GRIP1: variants seen among roughly 807,000 people sequenced by gnomAD.
GRIP1 encodes glutamate receptor interacting protein 1, also known as glutamate receptor-interacting protein 1.
A neutral mutation model predicts 129.9 loss-of-function variants in GRIP1; 45 were observed. The observed-to-expected ratio is 0.35, with a 90% confidence interval of 0.27 to 0.44. The LOEUF is 0.44. GRIP1 is among the 20% of genes least tolerant of loss of function. The pLI, the probability that GRIP1 is intolerant of heterozygous loss-of-function variation, is 1.00. For synonymous variants in GRIP1, 530 were observed against 520.8 expected, an observed-to-expected ratio of 1.02 and a Z score of -0.24; for missense variants, 1,196 against 1,396.8, an observed-to-expected ratio of 0.86 and a Z score of 2.29.
At chr12:66,404,312 G>A (rs1052307061) in intron 16 of GRIP1, among the ~76,000 whole-genome samples, 3 of 152,020 alleles carry the variant, frequency 2.0e-5, no homozygotes, top group African/African-American at 7.2e-5. Flanking sequence ...TGACATAACC[G>A]TGAACTCTAG....
intron 7 of GRIP1, among the ~76,000 whole-genome samples, chr12:66,484,890 C>T (rs190842110): frequency 1.3e-5 from 2 of 152,264 alleles, no homozygotes; most frequent in Non-Finnish European, 2.9e-5. Flanking sequence ...ATCCCTATTA[C>T]TCTGAGTTGA....
chr12:67,014,981 A>T (rs774399), intron 1 of GRIP1, among the ~76,000 whole-genome samples: 12,659 of 152,232 alleles, frequency 0.083, 1,198 homozygotes, highest in African/African-American at 0.24. Flanking sequence ...GTGTAAAATA[A>T]GTGAAGAAAT....
intron 1 of GRIP1, among the ~76,000 whole-genome samples, chr12:66,642,015 A>T (rs768742903): frequency 2.0e-5 from 3 of 152,190 alleles, no homozygotes; most frequent in Non-Finnish European, 4.4e-5. Flanking sequence ...CTCAGTGCCA[A>T]GTTACAATGT....
intron 1 of GRIP1, among the ~76,000 whole-genome samples, chr12:66,975,763 C>T (rs1278758871): frequency 6.6e-6 from 1 of 152,154 alleles, no homozygotes; most frequent in South Asian, 2.1e-4. Flanking sequence ...AGGTTTGGAC[C>T]AAGGCACTAG....
intron 19 of GRIP1, among the ~76,000 whole-genome samples, chr12:66,391,451 T>G (rs544855049): frequency 6.6e-6 from 1 of 152,348 alleles, no homozygotes; most frequent in African/African-American, 2.4e-5. Context: ...TTATATTCCA[T>G]GAGTGAGGCT....
At chr12:66,772,941 C>G (rs1344942723) in intron 1 of GRIP1, among the ~76,000 whole-genome samples, 3 of 152,104 alleles carry the variant, frequency 2.0e-5, no homozygotes, top group Non-Finnish European at 2.9e-5. Flanking sequence ...AAACCTTCCC[C>G]CAAATGTGGC....
intron 1 of GRIP1, among the ~76,000 whole-genome samples, chr12:67,026,702 A>G (rs1464719706): frequency 2.0e-5 from 3 of 152,192 alleles, no homozygotes; most frequent in Admixed American, 6.6e-5. Flanking sequence ...GCAGAAAAAC[A>G]TATTTCTAAG....
At chr12:66,393,644 C>G (rs748851321) in intron 17 of GRIP1, among the ~76,000 whole-genome samples, 1 of 152,146 alleles carries the variant, frequency 6.6e-6, no homozygotes, top group Non-Finnish European at 1.5e-5. Flanking sequence ...TCCAACAACA[C>G]ATCTCAGAAA....
intron 1 of GRIP1, among the ~76,000 whole-genome samples, chr12:66,645,268 T>G (rs1468485666): frequency 6.6e-6 from 1 of 152,192 alleles, no homozygotes; most frequent in African/African-American, 2.4e-5. Flanking sequence ...CCAGAGAAAG[T>G]AAGCAGCTCT....
intron 23 of GRIP1, among the ~76,000 whole-genome samples, chr12:66,369,251 A>T (rs531679039): frequency 1.3e-5 from 2 of 152,040 alleles, no homozygotes; most frequent in African/African-American, 4.8e-5. Context: ...CAGTTCACAC[A>T]CTGCCACACA....
chr12:66,707,576 GTC>G (rs891512180), intron 1 of GRIP1, among the ~76,000 whole-genome samples: 3 of 150,620 alleles, frequency 2.0e-5, no homozygotes, highest in African/African-American at 7.3e-5. Context: ...AATGTCCTTG[GTC>G]TCTCCTAGCA....
intron 2 of GRIP1, among the ~76,000 whole-genome samples, chr12:66,591,133 T>C (rs2063833989): frequency 6.6e-6 from 1 of 152,116 alleles, no homozygotes; most frequent in South Asian, 2.1e-4. Context: ...AAAAAAATAA[T>C]AAATTTATCA....
intron 1 of GRIP1, among the ~76,000 whole-genome samples, chr12:66,690,731 A>AT (rs2034954623): frequency 2.0e-5 from 3 of 147,820 alleles, no homozygotes; most frequent in African/African-American, 5.0e-5. Flanking sequence ...TTTTTCAAAA[A>AT]ATTTTTTTTA....
intron 5 of GRIP1, among the ~76,000 whole-genome samples, chr12:66,524,745 G>GT (rs1414229283): frequency 6.6e-6 from 1 of 152,134 alleles, no homozygotes; most frequent in Non-Finnish European, 1.5e-5. Flanking sequence ...CCAGGAGCTG[G>GT]TTTTTTGAAA....
chr12:66,749,357 A>G (rs967803780), intron 1 of GRIP1, among the ~76,000 whole-genome samples: 3 of 152,114 alleles, frequency 2.0e-5, no homozygotes, highest in Non-Finnish European at 2.9e-5. Context: ...GACCAACTCA[A>G]TTCTCAATGG....
intron 6 of GRIP1, among the ~76,000 whole-genome samples, chr12:66,517,557 G>T (rs529318557): frequency 6.6e-5 from 10 of 152,214 alleles, no homozygotes; most frequent in African/African-American, 2.4e-4. Flanking sequence ...GCTGAGTTCT[G>T]TAAGTACCTC....
At position 66,901,145 on chromosome 12, in the gene GRIP1, A is replaced by T. The variant is rs913116005; in HGVS notation, c.58+167905T>A. ...TTACATGGGTTAAAAGAACAACTTT[A>T]TTATATCAGAGGGAGCTATTCAAAC... On this transcript the variant is annotated intron_variant, in intron 1 of 1. Transcript: ENST00000643019. Among the ~76,000 whole-genome samples, 3 of 152,356 alleles carry T rather than the reference A, an allele frequency of 2.0e-5. No homozygotes were observed. The East Asian group carries it at 5.8e-4, about 29-fold the overall frequency.
chr12:66,366,615 TA>T (rs762689463), intron 23 of GRIP1, among the ~76,000 whole-genome samples: 13 of 152,170 alleles, frequency 8.5e-5, no homozygotes, highest in Non-Finnish European at 1.6e-4. Context: ...TGCATACAAT[TA>T]AGAAGTATAA....
chr12:66,520,461 C>T (rs980378821), intron 5 of GRIP1, among the ~76,000 whole-genome samples: 2 of 152,148 alleles, frequency 1.3e-5, no homozygotes, highest in Non-Finnish European at 2.9e-5. Context: ...AAATGCGGTC[C>T]TCATAAACTA....
Sources: allele counts gnomAD v4.1 joint callset (sites outside exome capture counted in the v4.1 genomes callset), GRCh38; gene constraint gnomAD v4.1.1; transcripts MANE v1.5; gene names NCBI Gene and HGNC (gene_info 2026-07-23, HGNC 2026-07-21).